Variants in NRG3 observed in about 807,000 individuals in gnomAD.
NRG3 encodes the protein pro-neuregulin-3, membrane-bound isoform.
NRG3 carries 31 observed loss-of-function variants against 66.9 expected under a neutral mutation model. The ratio of observed to expected loss-of-function variants is 0.46; its 90% confidence interval spans 0.35 to 0.63. NRG3 has a LOEUF of 0.63. Among genes scored for constraint, NRG3 ranks in the 20% least tolerant of loss-of-function variants. NRG3 has a pLI of 0.00. For missense variants in NRG3, 910 were observed against 878.9 expected (o/e 1.04, Z -0.45); for synonymous variants, 393 against 359.4 (o/e 1.09, Z -1.06).
intron 3 of NRG3, among the ~76,000 whole-genome samples, chr10:82,805,826 G>A (rs2061255352): frequency 6.6e-6 from 1 of 152,176 alleles, no homozygotes; most frequent in Non-Finnish European, 1.5e-5. Context: ...TTATCTTTCA[G>A]ATTAAATATT....
rs182306519 is a variant in NRG3 at position 82,494,610 on chromosome 10, A to G, written c.953+135742A>G. 5.4e-4 allele frequency among the ~76,000 whole-genome samples: 82 copies of G among 152,306 alleles called. No homozygotes were observed. In the Middle Eastern group the frequency reaches 0.01, roughly 19 times the overall value. ...ATCATCTAATATGCAAAGATGTATTACAAGAAAAAAATTAATATGCCTGCT... is the reference window on the plus strand; with the variant it reads ...ATCATCTAATATGCAAAGATGTATTGCAAGAAAAAAATTAATATGCCTGCT... On this transcript the variant is annotated intron_variant, in intron 2 of 8. Transcript: ENST00000372141.
At chr10:81,943,905 A>G (rs1389716091) in intron 1 of NRG3, among the ~76,000 whole-genome samples, 1 of 152,180 alleles carries the variant, frequency 6.6e-6, no homozygotes, top group African/African-American at 2.4e-5. Context: ...CATGGGAACT[A>G]CAGATGACTT....
intron 3 of NRG3, among the ~76,000 whole-genome samples, chr10:82,758,398 A>G (rs537729369): frequency 6.6e-6 from 1 of 152,156 alleles, no homozygotes; most frequent in African/African-American, 2.4e-5. Context: ...TATGAGTAAT[A>G]AAGTATAAGG....
chr10:82,400,790 G>C (rs1410625805), intron 2 of NRG3, among the ~76,000 whole-genome samples: 1 of 151,912 alleles, frequency 6.6e-6, no homozygotes, highest in East Asian at 1.9e-4. Flanking sequence ...GCCCAAGCTG[G>C]CCTGAAACTG....
At chr10:82,514,871 G>A (rs895949938) in intron 2 of NRG3, among the ~76,000 whole-genome samples, 1 of 152,084 alleles carries the variant, frequency 6.6e-6, no homozygotes, top group Non-Finnish European at 1.5e-5. Flanking sequence ...TACTTGTGTT[G>A]TTTCCAGTTT....
intron 3 of NRG3, among the ~76,000 whole-genome samples, chr10:82,816,386 G>C (rs1432113311): frequency 6.6e-6 from 1 of 152,172 alleles, no homozygotes; most frequent in African/African-American, 2.4e-5. Flanking sequence ...AGGTCATCCC[G>C]ATGAGTGTCC....
rs539917502 is a variant in NRG3, at chr10:82,344,512, C to T, written c.824-14227C>T. 7.9e-3 allele frequency among the ~76,000 whole-genome samples: 1,164 copies of T among 146,592 alleles called. 50 individuals are homozygous for T. Among genetic ancestry groups the T allele is most frequent in the African/African-American group, 0.029 (1,070 of 36,670 alleles). ...AAGTCTTTGCTATTGTGAATAATGCCGCAATAAACATACGTATGCATGTGT... is the reference window on the plus strand; with the variant it reads ...AAGTCTTTGCTATTGTGAATAATGCTGCAATAAACATACGTATGCATGTGT... On this transcript the variant is annotated intron_variant, in intron 1 of 8. Transcript: ENST00000372141.
At chr10:82,675,938 A>T (rs1164609011) in intron 2 of NRG3, among the ~76,000 whole-genome samples, 1 of 152,208 alleles carries the variant, frequency 6.6e-6, no homozygotes, top group Non-Finnish European at 1.5e-5. Flanking sequence ...AGGGTAACAA[A>T]TTCTATGAAT....
chr10:82,140,711 C>T (rs542267384), intron 1 of NRG3, among the ~76,000 whole-genome samples: 6 of 151,632 alleles, frequency 4.0e-5, no homozygotes, highest in East Asian at 1.9e-4. Context: ...GCCTGGGCAA[C>T]GGAAGGAGAC....
At chr10:82,444,852 A>T (rs961231723) in intron 2 of NRG3, among the ~76,000 whole-genome samples, 27 of 152,210 alleles carry the variant, frequency 1.8e-4, no homozygotes, top group Admixed American at 6.5e-5. Context: ...TCCTTGACTG[A>T]TGTTATTATC....
At chr10:82,051,445 C>T (rs2063587759) in intron 1 of NRG3, among the ~76,000 whole-genome samples, 1 of 152,134 alleles carries the variant, frequency 6.6e-6, no homozygotes, top group Non-Finnish European at 1.5e-5. Flanking sequence ...CCCATCACTG[C>T]TCCTACCTGA....
intron 2 of NRG3, among the ~76,000 whole-genome samples, chr10:82,641,595 T>C (rs1014909662): frequency 1.3e-5 from 2 of 152,160 alleles, no homozygotes; most frequent in Non-Finnish European, 2.9e-5. Flanking sequence ...AGAGTACTCA[T>C]GATCCAACCT....
intron 1 of NRG3, among the ~76,000 whole-genome samples, chr10:82,298,724 C>G (rs970417191): frequency 6.6e-6 from 1 of 152,042 alleles, no homozygotes; most frequent in Non-Finnish European, 1.5e-5. Flanking sequence ...ATATCAAAGC[C>G]AATGAGGAAT....
chr10:82,157,987 G>A (rs948258387), intron 1 of NRG3, among the ~76,000 whole-genome samples: 16 of 151,680 alleles, frequency 1.1e-4, no homozygotes, highest in African/African-American at 3.6e-4. Flanking sequence ...GATTAGCATC[G>A]GGAGCCCTGT....
chr10:82,854,198 A>T (rs2063699765), intron 3 of NRG3, among the ~76,000 whole-genome samples: 1 of 152,226 alleles, frequency 6.6e-6, no homozygotes, highest in Non-Finnish European at 1.5e-5. Flanking sequence ...CTAAATGGAG[A>T]TCCCATCATC....
chr10:82,171,596 G>C (rs1369511055), intron 1 of NRG3, among the ~76,000 whole-genome samples: 1 of 152,120 alleles, frequency 6.6e-6, no homozygotes, highest in Non-Finnish European at 1.5e-5. Flanking sequence ...CAAGTTAGTG[G>C]CTTAAGCAAA....
chr10:82,827,204 T>TAAAAAAAAAAAAA (rs5786573), intron 3 of NRG3: 1 of 183,538 alleles, frequency 5.4e-6, no homozygotes, highest in African/African-American at 3.5e-5. Context: ...TACCAAATTG[T>TAAAAAAAAAAAAA]AAAAAAAAAA....
At chr10:82,970,267 C>G (rs1043102844) in intron 6 of NRG3, among the ~76,000 whole-genome samples, 2 of 152,124 alleles carry the variant, frequency 1.3e-5, no homozygotes, top group African/African-American at 4.8e-5. Flanking sequence ...TTTCCAGGGC[C>G]TTTTCCTTTA....
chr10:82,396,881 G>C (rs1317665622), intron 2 of NRG3, among the ~76,000 whole-genome samples: 1 of 152,048 alleles, frequency 6.6e-6, no homozygotes, highest in Non-Finnish European at 1.5e-5. Context: ...ATGCTTTATA[G>C]CTGCTGGATA....
Sources: gnomAD v4.1 joint callset for allele counts (sites outside exome capture counted in the v4.1 genomes callset) on GRCh38, gnomAD v4.1.1 for gene constraint, MANE v1.5 for transcripts, NCBI Gene and HGNC (gene_info 2026-07-23, HGNC 2026-07-21) for gene names.